Variants in LARP4B observed in about 807,000 individuals in gnomAD.
LARP4B encodes la-related protein 4B.
Under a neutral mutation model 89.8 loss-of-function variants are expected in LARP4B, and 12 were observed. That is an observed-to-expected ratio of 0.13 (90% CI 0.09 to 0.22). The LOEUF (loss-of-function observed/expected upper bound fraction) is 0.22, where lower values mean the gene tolerates loss of function less well. Ranked by LOEUF, LARP4B falls within the 10% of genes least tolerant of loss-of-function variation. LARP4B has a pLI of 1.00. For synonymous variants in LARP4B, 367 were observed against 363.3 expected (o/e 1.01, Z -0.12); for missense variants, 757 against 947.7 (o/e 0.80, Z 2.64).
chr10:882,375 C>T (rs1300129406), intron 3 of LARP4B, among the ~76,000 whole-genome samples: 2 of 151,328 alleles, frequency 1.3e-5, no homozygotes, highest in Non-Finnish European at 2.9e-5. Flanking sequence ...TGTTCTCATA[C>T]TAAATAGGGA....
the LARP4B span, among the ~76,000 whole-genome samples, chr10:944,012 C>T: frequency 1.3e-5 from 2 of 152,102 alleles, no homozygotes; most frequent in African/African-American, 4.8e-5. Context: ...AAAGAAAAAG[C>T]GGTCTTACTG....
At chr10:860,366 AC>A (rs1834537696) in intron 5 of LARP4B, among the ~76,000 whole-genome samples, 1 of 152,154 alleles carries the variant, frequency 6.6e-6, no homozygotes, top group South Asian at 2.1e-4. Context: ...TTAATCCACC[AC>A]TGGTTGAGAA....
At chr10:843,171 G>A in intron 6 of LARP4B, 103 bp from the exon 7 acceptor site, 1 of 1,013,478 alleles carries the variant, frequency 9.9e-7, no homozygotes, top group South Asian at 1.5e-5. Context: ...GCATGGTATT[G>A]CTTTGGAGTT....
intron 8 of LARP4B, 152 bp downstream of exon 8, chr10:836,251 C>G (rs1388763071): frequency 1.8e-6 from 1 of 558,610 alleles, no homozygotes. Context: ...CTCTGTAACT[C>G]ACTGTGTGTA....
chr10:948,416 T>C, the LARP4B span, among the ~76,000 whole-genome samples: 1 of 152,130 alleles, frequency 6.6e-6, no homozygotes, highest in Non-Finnish European at 1.5e-5. Context: ...CTGACTAATT[T>C]TTGGCATTTT....
At chr10:967,423 T>C in the LARP4B span, among the ~76,000 whole-genome samples, 1 of 151,962 alleles carries the variant, frequency 6.6e-6, no homozygotes, top group Non-Finnish European at 1.5e-5. Flanking sequence ...AAAAGAAAGG[T>C]TGGAAGATAA....
chr10:881,103 GT>G (rs753004286), intron 3 of LARP4B, among the ~76,000 whole-genome samples: 4 of 152,172 alleles, frequency 2.6e-5, no homozygotes, highest in Admixed American at 6.5e-5. Context: ...TATAGATGAA[GT>G]TTGTGGCGCT....
intron 6 of LARP4B, among the ~76,000 whole-genome samples, chr10:843,896 CA>C (rs2131735621): frequency 6.6e-6 from 1 of 152,312 alleles, no homozygotes. Context: ...ACTTTACCCA[CA>C]AAATCCAAAG....
chr10:893,359 G>A (rs1258086067), intron 1 of LARP4B, among the ~76,000 whole-genome samples: 4 of 152,158 alleles, frequency 2.6e-5, no homozygotes, highest in African/African-American at 9.7e-5. Flanking sequence ...AAGTTGATAA[G>A]AATTTCCTTA....
the LARP4B span, among the ~76,000 whole-genome samples, chr10:962,106 A>C: frequency 6.6e-6 from 1 of 152,048 alleles, no homozygotes; most frequent in Non-Finnish European, 1.5e-5. Context: ...CAGCCTGGCC[A>C]ACGTGGCGAA....
chr10:851,116 GAAGA>G (rs778803602), intron 5 of LARP4B, among the ~76,000 whole-genome samples: 2 of 147,542 alleles, frequency 1.4e-5, no homozygotes, highest in South Asian at 4.3e-4. Context: ...ACAAACATCA[GAAGA>G]AAGAATGAAA....
intron 14 of LARP4B, chr10:818,701 G>A (rs1336042563): frequency 6.6e-6 from 1 of 152,242 alleles, no homozygotes; most frequent in Non-Finnish European, 1.5e-5. Flanking sequence ...ACAGAAAGGG[G>A]AAATGAGTTT....
chr10:862,256 T>TAA (rs10661482), intron 5 of LARP4B, among the ~76,000 whole-genome samples: 2,744 of 84,258 alleles, frequency 0.033, 135 homozygotes, highest in African/African-American at 0.088. Flanking sequence ...CCACTGAAGT[T>TAA]AAAAAAAAAA....
chr10:974,078 G>A, the LARP4B span, among the ~76,000 whole-genome samples: 1 of 152,194 alleles, frequency 6.6e-6, no homozygotes, highest in African/African-American at 2.4e-5. Flanking sequence ...GACAGTCGGA[G>A]AACCTGGGGA....
intron 8 of LARP4B, among the ~76,000 whole-genome samples, chr10:834,786 T>C (rs1833104915): frequency 6.6e-6 from 1 of 152,218 alleles, no homozygotes; most frequent in Non-Finnish European, 1.5e-5. Flanking sequence ...ATTTCAAGTC[T>C]TAAAAATTAG....
At chr10:969,984 C>A in the LARP4B span, among the ~76,000 whole-genome samples, 21 of 152,254 alleles carry the variant, frequency 1.4e-4, no homozygotes, top group East Asian at 3.1e-3. Flanking sequence ...CCCGGACTGA[C>A]GCCTGCAGGA....
chr10:987,565 G>A, the LARP4B span: 2 of 152,190 alleles, frequency 1.3e-5, no homozygotes, highest in Non-Finnish European at 2.9e-5. Flanking sequence ...CACTTCATGA[G>A]GCTGTTGCAG....
At chr10:903,963 G>T (rs1032674753) in intron 1 of LARP4B, among the ~76,000 whole-genome samples, 1 of 151,860 alleles carries the variant, frequency 6.6e-6, no homozygotes, top group Non-Finnish European at 1.5e-5. Flanking sequence ...TACATAAATT[G>T]ATTTTGTTAA....
chr10:905,667 AGCTGAGGAGCAAGGGAG>A (rs1836470295), intron 1 of LARP4B, among the ~76,000 whole-genome samples: 3 of 21,852 alleles, frequency 1.4e-4, no homozygotes, highest in Non-Finnish European at 3.4e-4. Flanking sequence ...GGAGGGGAGG[AGCTGAGGAGCAAGGGAG>A]GAGCTGAGGA....
Sources: gnomAD v4.1 joint callset for allele counts (sites outside exome capture counted in the v4.1 genomes callset) on GRCh38, gnomAD v4.1.1 for gene constraint, MANE v1.5 for transcripts, NCBI Gene and HGNC (gene_info 2026-07-23, HGNC 2026-07-21) for gene names.